Variants in OR1L8 observed in about 807,000 individuals in gnomAD.
The protein encoded by OR1L8 is olfactory receptor family 1 subfamily L member 8.
For synonymous variants in OR1L8, 148 were observed against 147.0 expected, an observed-to-expected ratio of 1.01 and a Z score of -0.05; for missense variants, 330 against 377.4, an observed-to-expected ratio of 0.87 and a Z score of 1.04.
At chr9:122,573,239 A>G (rs1829584586) in intron 3 of OR1L8, among the ~76,000 whole-genome samples, 1 of 152,234 alleles carries the variant, frequency 6.6e-6, no homozygotes, top group Admixed American at 6.5e-5. Flanking sequence ...TGGAAATAAC[A>G]GTTAACAGAG....
chr9:122,572,439 T>C (rs192283438), intron 4 of OR1L8, among the ~76,000 whole-genome samples: 2 of 152,252 alleles, frequency 1.3e-5, no homozygotes, highest in African/African-American at 4.8e-5. Flanking sequence ...ACTGTAGACA[T>C]GAGGATCACC....
chr9:122,576,935 C>T (rs920025132), intron 2 of OR1L8, 34 bp from the exon 3 acceptor site: 6 of 152,066 alleles, frequency 3.9e-5, no homozygotes, highest in Non-Finnish European at 8.8e-5. Context: ...GTTTGTTAGG[C>T]CTTTTACTCT....
chr9:122,568,757 G>C (rs770024285), intron 4 of OR1L8, 68 bp from the exon 5 acceptor site: 1 of 320,386 alleles, frequency 3.1e-6, no homozygotes, highest in Non-Finnish European at 5.7e-6. Context: ...TTCAGACTCA[G>C]TATTTCCTAT....
intron 3 of OR1L8, 103 bp from the exon 4 acceptor site, chr9:122,573,011 A>T (rs976812166): frequency 6.6e-6 from 1 of 152,264 alleles, no homozygotes; most frequent in South Asian, 2.1e-4. Flanking sequence ...TGTGGTTCCT[A>T]ACATAATGCT....
the OR1L8 span, among the ~76,000 whole-genome samples, chr9:122,560,163 T>C: frequency 6.6e-6 from 1 of 152,204 alleles, no homozygotes; most frequent in African/African-American, 2.4e-5. Flanking sequence ...CTCTTTTTTT[T>C]TGCTTTCCAT....
the OR1L8 span, among the ~76,000 whole-genome samples, chr9:122,557,743 C>G: frequency 6.6e-6 from 1 of 151,984 alleles, no homozygotes; most frequent in Non-Finnish European, 1.5e-5. Flanking sequence ...AAAGTTCTTT[C>G]TTACTCTATT....
chr9:122,564,043 C>T (rs1022411103), downstream of OR1L8, among the ~76,000 whole-genome samples: 30 of 152,120 alleles, frequency 2.0e-4, no homozygotes, highest in African/African-American at 6.8e-4. Flanking sequence ...AGTGTGATGC[C>T]TCCTGTCATT....
downstream of OR1L8, among the ~76,000 whole-genome samples, chr9:122,564,583 A>G (rs1467416286): frequency 6.6e-6 from 1 of 152,194 alleles, no homozygotes; most frequent in African/African-American, 2.4e-5. Flanking sequence ...TAACTTTCCT[A>G]TTTGGCCTGT....
intron 1 of OR1L8, among the ~76,000 whole-genome samples, chr9:122,582,956 G>A (rs1354341393): frequency 6.6e-6 from 1 of 151,834 alleles, no homozygotes; most frequent in Non-Finnish European, 1.5e-5. Context: ...AAAAAATAGA[G>A]CTAAATCATA....
At chr9:122,575,725 T>C (rs1308275943) in intron 3 of OR1L8, among the ~76,000 whole-genome samples, 1 of 152,210 alleles carries the variant, frequency 6.6e-6, no homozygotes. Flanking sequence ...CAGATTAACA[T>C]ATCTATAATC....
the OR1L8 span, among the ~76,000 whole-genome samples, chr9:122,555,844 A>C: frequency 6.6e-6 from 1 of 152,206 alleles, no homozygotes; most frequent in Non-Finnish European, 1.5e-5. Flanking sequence ...AGAGTGGTAC[A>C]TTTATTACAA....
the OR1L8 span, among the ~76,000 whole-genome samples, chr9:122,557,926 T>TG: frequency 6.6e-6 from 1 of 152,156 alleles, no homozygotes; most frequent in Admixed American, 6.5e-5. Flanking sequence ...TCTTCTTGTA[T>TG]GGGTTTTAGT....
intron 4 of OR1L8, among the ~76,000 whole-genome samples, chr9:122,572,192 A>C (rs756157308): frequency 6.6e-5 from 10 of 152,208 alleles, no homozygotes; most frequent in Non-Finnish European, 1.3e-4. Context: ...ATCCGTCCCC[A>C]TGATCACCTC....
intron 1 of OR1L8, among the ~76,000 whole-genome samples, chr9:122,579,638 T>C (rs1198327849): frequency 6.6e-6 from 1 of 152,234 alleles, no homozygotes; most frequent in African/African-American, 2.4e-5. Flanking sequence ...ATGTTTACAT[T>C]TGAGACTGAA....
At chr9:122,563,039 A>G (rs1389164847), downstream of OR1L8, among the ~76,000 whole-genome samples, 1 of 152,118 alleles carries the variant, frequency 6.6e-6, no homozygotes, top group Non-Finnish European at 1.5e-5. Flanking sequence ...TATAACCAGT[A>G]GTGGGACTAC....
chr9:122,568,434 A>AG lies in OR1L8; in HGVS notation c.43dup (p.Leu15ProfsTer9). The AG allele has an allele frequency of 1.2e-6, 2 of 1,611,474 alleles. No homozygotes were observed. Among genetic ancestry groups the AG allele is most frequent in the Non-Finnish European group, 1.7e-6 (2 of 1,178,446 alleles). ...CTCAGGCCGGGAGGAGAGTCCCAGG[A>AG]GGATAAACTCGGAGACACTGCTGGT... On this transcript the variant is annotated frameshift_variant, in exon 5 of 5. Coordinates refer to ENST00000641027, the MANE Select transcript of OR1L8 (RefSeq NM_001004454.2). LOFTEE classifies it low-confidence loss of function (END_TRUNC).
At chr9:122,557,368 A>T in the OR1L8 span, among the ~76,000 whole-genome samples, 1 of 152,004 alleles carries the variant, frequency 6.6e-6, no homozygotes, top group Non-Finnish European at 1.5e-5. Flanking sequence ...TTTAAAATAG[A>T]TATCCTTTAT....
At position 122,578,439 on chromosome 9, in the gene OR1L8, A is replaced by C. The variant is rs1829692966; in HGVS notation, c.-593T>G. 9.0e-6 allele frequency: 1 copy of C among 111,284 alleles called. No homozygotes were observed. 6.9% of individuals were successfully genotyped at this position (111,284 alleles called of 1,614,324 possible). ...ACTCCAGCCTGGGCGACAGTGCAAG[A>C]CTCCATCTCAAAAAAAAAAAAAAAA... On this transcript the variant is annotated 5_prime_UTR_variant, in exon 2 of 5. Coordinates refer to ENST00000641027, the MANE Select transcript of OR1L8 (RefSeq NM_001004454.2).
At chr9:122,548,258 C>G in the OR1L8 span, among the ~76,000 whole-genome samples, 1 of 152,078 alleles carries the variant, frequency 6.6e-6, no homozygotes, top group South Asian at 2.1e-4. Flanking sequence ...GGGGTTTGGG[C>G]TGGGGTAGTT....
Sources: allele counts gnomAD v4.1 joint callset (sites outside exome capture counted in the v4.1 genomes callset), GRCh38; gene constraint gnomAD v4.1.1; transcripts MANE v1.5; gene names NCBI Gene and HGNC (gene_info 2026-07-23, HGNC 2026-07-21).